The following PCBD1 variants were observed in gnomAD, a reference collection of about 807,000 sequenced individuals.
PCBD1 encodes pterin-4 alpha-carbinolamine dehydratase 1, also known as pterin-4-alpha-carbinolamine dehydratase.
Under a neutral mutation model 12.6 loss-of-function variants are expected in PCBD1, and 16 were observed. The observed-to-expected ratio is 1.27, with a 90% CI of 0.86 to 1.93. The LOEUF is 1.93. PCBD1 is among the 30% of genes most tolerant of loss of function. The probability of loss-of-function intolerance (pLI) is 0.00; values close to 1 mark genes in which losing one functional copy is unlikely to be tolerated. For synonymous variants in PCBD1, 53 were observed against 50.2 expected (o/e 1.05, Z -0.23); for missense variants, 86 against 130.1 (o/e 0.66, Z 1.65).
chr10:70,885,929 C>G lies in PCBD1; in HGVS notation c.4G>C (p.Ala2Pro). 5 of 1,613,654 alleles carry G rather than the reference C, an allele frequency of 3.1e-6. No individual in the cohort carries two copies. The highest frequency in any genetic ancestry group is 4.2e-6 in the Non-Finnish European group (5 of 1,179,894). ...GCGCTCAGCCTGTGTGCTTTGCCAG[C>G]CTAGAAGAGGGAAAAAAACAGAGGC... M[A>P]GKAHRLSAEE... Residue 2 changes from alanine (A) to proline (P), a missense_variant and splice_region_variant, in exon 2 of 4, where the codon GCT becomes CCT. Ala to Pro is a conservative substitution (Grantham distance 27). Coordinates refer to ENST00000299299, the MANE Select transcript of PCBD1 (RefSeq NM_000281.4).
chr10:70,883,487 A>G (rs577447284), downstream of PCBD1: 3 of 1,063,796 alleles, frequency 2.8e-6, no homozygotes, highest in African/African-American at 1.7e-5. Flanking sequence ...GACCTGTGGA[A>G]AAGAAGTTTC....
chr10:70,884,564 C>G (rs930461553), intron 3 of PCBD1, among the ~76,000 whole-genome samples: 16 of 141,216 alleles, frequency 1.1e-4, no homozygotes, highest in African/African-American at 4.3e-4. Context: ...TCACTGCAAG[C>G]TCCGCCTCCC....
At chr10:70,882,350 C>T (rs1230692604), downstream of PCBD1, 8 of 152,188 alleles carry the variant, frequency 5.3e-5, no homozygotes, top group African/African-American at 1.9e-4. Context: ...AACCAATACA[C>T]ACAAAGAGAT....
intron 1 of PCBD1, 41 bp downstream of exon 1, chr10:70,888,490 G>C: frequency 6.9e-7 from 1 of 1,447,436 alleles, no homozygotes; most frequent in East Asian, 3.0e-5. Flanking sequence ...GGCTGCCCCG[G>C]CCCCGCTGCC....
intron 2 of PCBD1, 111 bp downstream of exon 2, chr10:70,885,687 A>G (rs1045112797): frequency 7.6e-6 from 10 of 1,315,724 alleles, no homozygotes; most frequent in Non-Finnish European, 6.5e-6. Flanking sequence ...TAACTGGATG[A>G]GTGTGGTGTC....
downstream of PCBD1, among the ~76,000 whole-genome samples, chr10:70,883,037 T>A (rs1032073795): frequency 2.6e-5 from 4 of 152,206 alleles, no homozygotes; most frequent in Non-Finnish European, 5.9e-5. Context: ...ACCTGTAATA[T>A]GGCCCCAGAC....
At chr10:70,884,733 C>T (rs1011035210) in intron 3 of PCBD1, among the ~76,000 whole-genome samples, 6 of 152,086 alleles carry the variant, frequency 3.9e-5, no homozygotes, top group Admixed American at 6.6e-5. Flanking sequence ...CTGCCCACCT[C>T]GGCCTCCCAA....
Position 70,888,280 on chromosome 10 carries a change from C to T in PCBD1, c.3+251G>A, listed in dbSNP as rs1338740690. On this transcript the variant is annotated intron_variant, in intron 1 of 3. Coordinates refer to ENST00000299299, the MANE Select transcript of PCBD1 (RefSeq NM_000281.4). Reference sequence around the variant, plus strand: ...GCCCCCGGAAGGGTCCCGGAACAAGCACTGGCCGGGGTCAGGGCAGGCCTG... The same window carrying T: ...GCCCCCGGAAGGGTCCCGGAACAAGTACTGGCCGGGGTCAGGGCAGGCCTG... 4 of 369,940 alleles carry T rather than the reference C, an allele frequency of 1.1e-5. No individual in the cohort carries two copies. In the East Asian group the frequency reaches 1.8e-4, roughly 17 times the overall value. 22.9% of individuals were successfully genotyped at this position (369,940 alleles called of 1,614,324 possible). A position where few individuals can be genotyped will look rare whatever the true frequency, so the allele number is the denominator to read the frequency against.
At chr10:70,885,068 A>T in intron 3 of PCBD1, 84 bp downstream of exon 3, 2 of 1,111,522 alleles carry the variant, frequency 1.8e-6, no homozygotes, top group Non-Finnish European at 1.4e-6. Flanking sequence ...GCTCATTGTT[A>T]AGTCCAAAAG....
At chr10:70,882,906 G>A (rs920024145), downstream of PCBD1, among the ~76,000 whole-genome samples, 1 of 152,242 alleles carries the variant, frequency 6.6e-6, no homozygotes, top group Admixed American at 6.5e-5. Flanking sequence ...GACAAGTTGA[G>A]CATCTCTAAT....
In PCBD1 at chr10:70,885,546, A is replaced by G. The variant is rs188956124; in HGVS notation, c.135+252T>C. On this transcript the variant is annotated intron_variant, in intron 2 of 3. Transcript: ENST00000299299. ...TGGTTTCCACTTGAACTATCTCCTC[A>G]GAAGACTGCTGCTAAAAGTTCCAGG... is the stretch of plus-strand genomic sequence containing the variant. 3.4e-3 allele frequency among the ~76,000 whole-genome samples: 517 copies of G among 152,386 alleles called. 2 individuals carry two copies. Among genetic ancestry groups the G allele is most frequent in the African/African-American group, 0.012 (488 of 41,592 alleles).
chr10:70,884,551 T>G (rs1213695537), intron 3 of PCBD1, among the ~76,000 whole-genome samples: 1 of 146,144 alleles, frequency 6.8e-6, no homozygotes, highest in Non-Finnish European at 1.5e-5. Flanking sequence ...GCTCAATCTC[T>G]GCTCACTGCA....
chr10:70,888,383 A>G, intron 1 of PCBD1, 148 bp downstream of exon 1: 1 of 887,240 alleles, frequency 1.1e-6, no homozygotes. Context: ...CGCCAGCGAC[A>G]GAGAGCCGGG....
intron 1 of PCBD1, among the ~76,000 whole-genome samples, chr10:70,886,169 C>T (rs1846579939): frequency 6.6e-6 from 1 of 152,158 alleles, no homozygotes; most frequent in African/African-American, 2.4e-5. Context: ...ACTCCACACA[C>T]ACACAAGGGA....
chr10:70,887,682 T>C (rs1360372500), intron 1 of PCBD1, among the ~76,000 whole-genome samples: 1 of 152,210 alleles, frequency 6.6e-6, no homozygotes, highest in African/African-American at 2.4e-5. Flanking sequence ...GTGCCGGCTC[T>C]GGAGACAGAG....
intron 1 of PCBD1, 189 bp downstream of exon 1, chr10:70,888,342 C>A (rs1353106953): frequency 2.0e-6 from 1 of 507,954 alleles, no homozygotes; most frequent in East Asian, 4.7e-5. Flanking sequence ...CCGCCACCGC[C>A]CCTCTCAGGG....
intron 1 of PCBD1, among the ~76,000 whole-genome samples, chr10:70,886,164 A>T (rs979982171): frequency 6.6e-6 from 1 of 152,008 alleles, no homozygotes; most frequent in African/African-American, 2.4e-5. Context: ...TTAACACTCC[A>T]CACACACACA....
At chr10:70,882,762 A>G (rs969789226), downstream of PCBD1, among the ~76,000 whole-genome samples, 2 of 152,198 alleles carry the variant, frequency 1.3e-5, no homozygotes, top group African/African-American at 4.8e-5. Context: ...TGGGCACCCC[A>G]TGGCCCAATC....
rs555555176 is a variant in PCBD1, at chr10:70,887,918, GCCCCGCCCCCGC to G, written c.3+601_3+612del. ...CTCGCGAGCTTACAGCAGAGCAAGGGCCCCGCCCCCGCCCCCGCCCCGGGGGTGGGTGGGGGA... is the reference window on the plus strand; with the variant it reads ...CTCGCGAGCTTACAGCAGAGCAAGGGCCCCGCCCCGGGGGTGGGTGGGGGA... On this transcript the variant is annotated intron_variant, in intron 1 of 3. Transcript: ENST00000299299. 107 of 152,766 alleles carry G rather than the reference GCCCCGCCCCCGC, an allele frequency of 7.0e-4. 1 individual carries two copies. The South Asian group carries it at 0.016, about 23-fold the overall frequency. The allele number at this position is 152,766 out of a possible 1,614,324, so 9.5% of individuals were successfully genotyped here. A position where few individuals can be genotyped will look rare whatever the true frequency, so the allele number is the denominator to read the frequency against.
Sources: gnomAD v4.1 joint callset for allele counts (sites outside exome capture counted in the v4.1 genomes callset) on GRCh38, gnomAD v4.1.1 for gene constraint, MANE v1.5 for transcripts, NCBI Gene and HGNC (gene_info 2026-07-23, HGNC 2026-07-21) for gene names.